The following SLC4A4 variants were observed in gnomAD, a reference collection of about 807,000 sequenced individuals.
SLC4A4 encodes the protein electrogenic sodium bicarbonate cotransporter 1.
In SLC4A4, 27 loss-of-function variants were observed where a neutral mutation model predicts 111.5. The observed-to-expected ratio is 0.24, with a 90% CI of 0.18 to 0.33. SLC4A4 has a LOEUF of 0.33. Among genes scored for constraint, SLC4A4 ranks in the 10% least tolerant of loss-of-function variants. SLC4A4 has a pLI of 1.00. For synonymous variants in SLC4A4, 443 were observed against 463.4 expected (o/e 0.96, Z 0.57); for missense variants, 909 against 1,315.5 (o/e 0.69, Z 4.78).
chr4:71,440,650 A>C lies in SLC4A4; in HGVS notation c.842A>C (p.Asp281Ala). Residue 281 changes from aspartate (D) to alanine (A), a missense_variant, in exon 8 of 26, where the codon GAT becomes GCT. Around this residue, in one of 7 missense-constraint regions of SLC4A4, gnomAD observed 312 missense variants for 402.0 expected, o/e 0.78. Coordinates refer to ENST00000264485, the MANE Select transcript of SLC4A4 (RefSeq NM_001098484.3). Reference protein sequence around the residue: ...KNKFMKKLPRDAEASNVLVGE... With the variant: ...KNKFMKKLPRAAEASNVLVGE... ...AAGTTCATGAAAAAATTGCCACGTG[A>C]TGCAGAAGCTTCCAACGTGCTTGTT... 1 of 1,614,094 alleles carries C rather than the reference A, an allele frequency of 6.2e-7. No individual in the cohort carries two copies. Among genetic ancestry groups the C allele is most frequent in the Non-Finnish European group, 8.5e-7 (1 of 1,179,976 alleles).
chr4:71,369,506 G>C (rs944337138), intron 6 of SLC4A4, among the ~76,000 whole-genome samples: 2 of 152,130 alleles, frequency 1.3e-5, no homozygotes, highest in Non-Finnish European at 2.9e-5. Flanking sequence ...CTGGGAGGAA[G>C]GTCACTGGAG....
intron 7 of SLC4A4, among the ~76,000 whole-genome samples, chr4:71,398,596 A>C (rs1457239087): frequency 6.6e-6 from 1 of 152,204 alleles, no homozygotes; most frequent in Admixed American, 6.5e-5. Context: ...GTTTTGAAGA[A>C]ATGAAAGCAA....
chr4:71,468,926 C>T (rs1685919206), intron 13 of SLC4A4, among the ~76,000 whole-genome samples: 2 of 151,930 alleles, frequency 1.3e-5, no homozygotes, highest in African/African-American at 2.4e-5. Context: ...TAGGTAGATC[C>T]TTGCTTTGTA....
intron 16 of SLC4A4, among the ~76,000 whole-genome samples, chr4:71,521,272 C>A (rs1732905500): frequency 6.6e-6 from 1 of 152,048 alleles, no homozygotes; most frequent in African/African-American, 2.4e-5. Flanking sequence ...TATTCAGTAA[C>A]CCAAGCTGGA....
intron 2 of SLC4A4, among the ~76,000 whole-genome samples, chr4:71,119,150 C>A (rs1743349770): frequency 6.6e-6 from 1 of 152,178 alleles, no homozygotes; most frequent in Non-Finnish European, 1.5e-5. Context: ...AGGCTACTAT[C>A]ATGTGTTGGT....
chr4:71,514,540 C>A (rs1732207918), intron 16 of SLC4A4, among the ~76,000 whole-genome samples: 1 of 152,142 alleles, frequency 6.6e-6, no homozygotes. Flanking sequence ...AAATTCCCTC[C>A]TCTTCAATTG....
rs919607772 is a variant in SLC4A4 at position 71,521,457 on chromosome 4, C to T, written c.2167-10605C>T. ...CTGTGTCGCCCAGGCTAGTCTTGAACTCCTAGGTTCAAACAGTCGTCCTGC... is the reference window on the plus strand; with the variant it reads ...CTGTGTCGCCCAGGCTAGTCTTGAATTCCTAGGTTCAAACAGTCGTCCTGC... On this transcript the variant is annotated intron_variant, in intron 16 of 25. Coordinates refer to ENST00000264485, the MANE Select transcript of SLC4A4 (RefSeq NM_001098484.3). 3.4e-4 allele frequency among the ~76,000 whole-genome samples: 51 copies of T among 152,068 alleles called. 1 individual carries two copies. The highest frequency in any genetic ancestry group is 1.2e-3 in the African/African-American group (51 of 41,396).
Position 71,453,629 on chromosome 4 carries a change from C to T in SLC4A4, c.1457C>T (p.Thr486Ile). ...CTGGCAACTGTAACTAATGCTATCA[C>T]TTTTGGAGGACTGCTTGGGGATGCC... ...IYLATVTNAI[T>I]FGGLLGDATD... The change falls in exon 12 of 26, where the codon ACT becomes ATT. Residue 486 changes from threonine (T) to isoleucine (I), a missense_variant. Coordinates refer to ENST00000264485, the MANE Select transcript of SLC4A4 (RefSeq NM_001098484.3). 6.2e-7 allele frequency: 1 copy of T among 1,613,914 alleles called. No homozygotes were observed. Among genetic ancestry groups the T allele is most frequent in the Non-Finnish European group, 8.5e-7 (1 of 1,179,896 alleles).
intron 1 of SLC4A4, among the ~76,000 whole-genome samples, chr4:71,078,901 C>G (rs1578457091): frequency 6.6e-6 from 1 of 152,148 alleles, no homozygotes; most frequent in African/African-American, 2.4e-5. Flanking sequence ...TCACTGCAAC[C>G]TCTGCCTCCT....
chr4:71,375,567 C>A (rs906595647), intron 6 of SLC4A4, among the ~76,000 whole-genome samples: 1 of 152,162 alleles, frequency 6.6e-6, no homozygotes, highest in Non-Finnish European at 1.5e-5. Context: ...AACTCTGATC[C>A]TTTTCTGAGA....
intron 13 of SLC4A4, among the ~76,000 whole-genome samples, chr4:71,470,249 C>T (rs997528137): frequency 4.0e-5 from 6 of 151,750 alleles, no homozygotes; most frequent in Non-Finnish European, 7.4e-5. Flanking sequence ...AGTGGTGTTC[C>T]GGACACAAAG....
chr4:71,344,052 T>C (rs770077720), intron 4 of SLC4A4, among the ~76,000 whole-genome samples: 2 of 152,166 alleles, frequency 1.3e-5, no homozygotes, highest in Non-Finnish European at 2.9e-5. Flanking sequence ...TCTTTCATTA[T>C]TTTTGTCCTT....
At chr4:71,284,789 CTG>C (rs1723784290) in intron 3 of SLC4A4, among the ~76,000 whole-genome samples, 1 of 152,114 alleles carries the variant, frequency 6.6e-6, no homozygotes, top group East Asian at 1.9e-4. Flanking sequence ...TTTTATATAT[CTG>C]TATTCTTACA....
In SLC4A4 at chr4:71,119,371, G is replaced by A. The variant is rs146042155; in HGVS notation, c.-2+26579G>A. On this transcript the variant is annotated intron_variant, in intron 2 of 26. Coordinates refer to the SLC4A4 transcript ENST00000649996. ...TGCTTTTTTATTGTTGTAGTTGGGG[G>A]TTTTACAGTTTCTTTTTCCTTTTTT... 3.6e-3 allele frequency among the ~76,000 whole-genome samples: 546 copies of A among 151,996 alleles called. 3 individuals carry two copies. The highest frequency in any genetic ancestry group is 6.2e-3 in the Non-Finnish European group (424 of 67,950).
chr4:71,235,174 G>T (rs997099836), intron 1 of SLC4A4, among the ~76,000 whole-genome samples: 30 of 152,118 alleles, frequency 2.0e-4, no homozygotes, highest in Non-Finnish European at 5.9e-5. Flanking sequence ...TAAAAACTTT[G>T]CTCCAGGTAG....
chr4:71,471,589 A>T (rs145549530), intron 13 of SLC4A4, among the ~76,000 whole-genome samples: 18 of 152,082 alleles, frequency 1.2e-4, no homozygotes, highest in Non-Finnish European at 2.1e-4. Context: ...ACAATCCTTG[A>T]CTTATTTCTT....
At chr4:71,476,604 T>G (rs1247790055) in intron 14 of SLC4A4, among the ~76,000 whole-genome samples, 1 of 151,758 alleles carries the variant, frequency 6.6e-6, no homozygotes, top group East Asian at 1.9e-4. Context: ...ATGTGTGTGC[T>G]TTGTCAAGGC....
chr4:71,339,185 A>G, intron 3 of SLC4A4, 185 bp from the exon 4 acceptor site: 7 of 1,614,024 alleles, frequency 4.3e-6, no homozygotes, highest in Non-Finnish European at 5.9e-6. Context: ...AACCAAAGGA[A>G]TAGAGAAGGG....
chr4:71,543,648 A>C (rs1341097957), intron 18 of SLC4A4, among the ~76,000 whole-genome samples: 1 of 152,020 alleles, frequency 6.6e-6, no homozygotes, highest in Non-Finnish European at 1.5e-5. Flanking sequence ...AACATGGGTG[A>C]CTTTTTTTTA....
Sources: gnomAD v4.1 joint callset for allele counts (sites outside exome capture counted in the v4.1 genomes callset) on GRCh38, gnomAD v4.1.1 for gene constraint, gnomAD v4.1.1 regional missense constraint, MANE v1.5 for transcripts, NCBI Gene and HGNC (gene_info 2026-07-23, HGNC 2026-07-21) for gene names.